Variants in AP2B1 observed in about 807,000 individuals in gnomAD.
AP2B1 encodes the protein AP-2 complex subunit beta.
A neutral mutation model predicts 102.0 loss-of-function variants in AP2B1; 23 were observed. The ratio of observed to expected loss-of-function variants is 0.23; its 90% CI spans 0.16 to 0.32. The LOEUF is 0.32. Among genes scored for constraint, AP2B1 ranks in the 10% least tolerant of loss-of-function variants. The pLI, the probability that AP2B1 is intolerant of heterozygous loss-of-function variation, is 1.00. For synonymous variants in AP2B1, 381 were observed against 421.2 expected (o/e 0.90, Z 1.17); for missense variants, 541 against 1,157.4 (o/e 0.47, Z 7.73).
chr17:35,629,065 C>T (rs1404686102), intron 9 of AP2B1, among the ~76,000 whole-genome samples: 1 of 152,126 alleles, frequency 6.6e-6, no homozygotes, highest in East Asian at 1.9e-4. Flanking sequence ...TCTTATGCCT[C>T]AGCCTCCTGA....
intron 11 of AP2B1, among the ~76,000 whole-genome samples, chr17:35,641,576 ATAG>A (rs981390534): frequency 6.6e-6 from 1 of 152,140 alleles, no homozygotes; most frequent in Non-Finnish European, 1.5e-5. Flanking sequence ...CAAAATAATA[ATAG>A]TAATAATAAT....
intron 18 of AP2B1, among the ~76,000 whole-genome samples, chr17:35,696,204 T>C (rs757013563): frequency 3.9e-5 from 6 of 152,170 alleles, no homozygotes; most frequent in African/African-American, 7.2e-5. Flanking sequence ...TGCCACCTCA[T>C]GACCTTTTAA....
At chr17:35,643,074 T>C (rs560832147) in intron 12 of AP2B1, among the ~76,000 whole-genome samples, 1 of 150,776 alleles carries the variant, frequency 6.6e-6, no homozygotes, top group East Asian at 2.0e-4. Flanking sequence ...TTTAAACTCC[T>C]AAGTCAGGAG....
chr17:35,659,109 T>G (rs2075301789), intron 14 of AP2B1, among the ~76,000 whole-genome samples: 1 of 152,236 alleles, frequency 6.6e-6, no homozygotes, highest in South Asian at 2.1e-4. Context: ...TATTGCTGTA[T>G]AGCCTCCTTA....
chr17:35,698,200 A>T (rs905421793), intron 18 of AP2B1, among the ~76,000 whole-genome samples: 1 of 152,210 alleles, frequency 6.6e-6, no homozygotes, highest in African/African-American at 2.4e-5. Flanking sequence ...GAGACACATA[A>T]ACTGAAATTC....
chr17:35,603,759 T>G (rs1420152812), intron 3 of AP2B1, among the ~76,000 whole-genome samples: 1 of 152,198 alleles, frequency 6.6e-6, no homozygotes. Context: ...TTAAAAAGCG[T>G]AACTGAAGTG....
At chr17:35,606,967 G>T (rs956281524) in intron 4 of AP2B1, among the ~76,000 whole-genome samples, 9 of 150,796 alleles carry the variant, frequency 6.0e-5, no homozygotes, top group African/African-American at 2.0e-4. Flanking sequence ...GTGCAATGGC[G>T]CAATCTCAGC....
At position 35,627,444 on chromosome 17, in the gene AP2B1, A is replaced by T. The variant is rs373073122; in HGVS notation, c.998A>T (p.Tyr333Phe). The part of the protein sequence containing the change: ...VFFVKYNDPI[Y>F]VKLEKLDIMI... ...TTTGTGAAGTACAATGATCCCATCT[A>T]TGTTAAACTAGAGAAGTTGGACATC... The change falls in exon 8 of 22, where the codon TAT (tyrosine) becomes TTT (phenylalanine). Residue 333 changes from tyrosine (Y) to phenylalanine (F), a missense_variant. Tyr to Phe is a conservative substitution (Grantham distance 22, BLOSUM62 3). This residue lies in a region of AP2B1 where 134 missense variants were observed against 250.2 expected (regional missense o/e 0.54). Transcript: ENST00000610402. 3.1e-6 allele frequency: 5 copies of T among 1,613,986 alleles called. No homozygotes were observed. Among genetic ancestry groups the T allele is most frequent in the Non-Finnish European group, 4.2e-6 (5 of 1,179,932 alleles).
chr17:35,593,946 T>A, intron 1 of AP2B1, 62 bp from the exon 2 acceptor site: 1 of 845,440 alleles, frequency 1.2e-6, no homozygotes, highest in South Asian at 2.2e-5. Flanking sequence ...TTCTTAAAAT[T>A]AATTGGATGC....
chr17:35,706,655 T>C (rs1420259299), intron 18 of AP2B1, among the ~76,000 whole-genome samples: 3 of 152,038 alleles, frequency 2.0e-5, no homozygotes, highest in Admixed American at 2.0e-4. Context: ...TCACTTTTTT[T>C]TTTTTGAGGC....
intron 18 of AP2B1, among the ~76,000 whole-genome samples, chr17:35,701,068 T>C (rs868280969): frequency 2.0e-5 from 3 of 152,196 alleles, no homozygotes; most frequent in Admixed American, 6.5e-5. Context: ...CTTCCTTCAC[T>C]CATTGAACCC....
rs1171226143 is a variant in AP2B1, at chr17:35,627,518, G to T, written c.1059+13G>T. The stretch of plus-strand genomic sequence containing the variant: ...CAACATTGCTCAGGTCAGACTTTAT[G>T]CAGACTCAAGTTGATGATGATTTAG... On this transcript the variant is annotated intron_variant, in intron 8 of 21. Transcript: ENST00000610402. 1 of 1,613,904 alleles carries T rather than the reference G, an allele frequency of 6.2e-7. No homozygotes were observed. Among genetic ancestry groups the T allele is most frequent in the Non-Finnish European group, 8.5e-7 (1 of 1,179,964 alleles).
At chr17:35,625,120 C>G (rs1186993585) in intron 6 of AP2B1, among the ~76,000 whole-genome samples, 6 of 152,120 alleles carry the variant, frequency 3.9e-5, no homozygotes. Flanking sequence ...TGCAAATTTT[C>G]TTTGGTTATT....
chr17:35,673,365 T>A (rs1221476113), intron 16 of AP2B1, among the ~76,000 whole-genome samples: 1 of 152,112 alleles, frequency 6.6e-6, no homozygotes, highest in Non-Finnish European at 1.5e-5. Flanking sequence ...CTTTTTGTAT[T>A]TTTAGTAGAG....
intron 18 of AP2B1, among the ~76,000 whole-genome samples, chr17:35,696,644 T>C (rs2076147682): frequency 6.6e-6 from 1 of 151,980 alleles, no homozygotes; most frequent in African/African-American, 2.4e-5. Flanking sequence ...CCACCTCAGC[T>C]TTCCAAAGTG....
intron 2 of AP2B1, chr17:35,597,278 C>G (rs2073322249): frequency 3.0e-6 from 1 of 331,548 alleles, no homozygotes; most frequent in Non-Finnish European, 5.6e-6. Context: ...TAGTCAACCT[C>G]TTTTTCATGG....
At chr17:35,714,260 C>A (rs1555588864) in intron 20 of AP2B1, among the ~76,000 whole-genome samples, 1 of 152,178 alleles carries the variant, frequency 6.6e-6, no homozygotes, top group African/African-American at 2.4e-5. Context: ...AAACACTCTT[C>A]CAGCTAGCAC....
intron 12 of AP2B1, among the ~76,000 whole-genome samples, chr17:35,645,516 C>A (rs2074906579): frequency 6.6e-6 from 1 of 152,136 alleles, no homozygotes; most frequent in Non-Finnish European, 1.5e-5. Context: ...TTACCTGTTA[C>A]ACAGAAATTC....
chr17:35,693,144 A>G (rs2076073757), intron 18 of AP2B1, among the ~76,000 whole-genome samples: 2 of 152,054 alleles, frequency 1.3e-5, no homozygotes, highest in Admixed American at 6.6e-5. Context: ...CAGCCTCCTA[A>G]GTAGCTGGGA....
Sources: allele counts gnomAD v4.1 joint callset (sites outside exome capture counted in the v4.1 genomes callset), GRCh38; gene constraint gnomAD v4.1.1; regional missense constraint gnomAD v4.1.1; transcripts MANE v1.5; gene names NCBI Gene and HGNC (gene_info 2026-07-23, HGNC 2026-07-21).